LRRTM4: variants seen among roughly 807,000 people sequenced by gnomAD.
LRRTM4 encodes leucine rich repeat transmembrane neuronal 4.
Under a neutral mutation model 47.6 loss-of-function variants are expected in LRRTM4, and 25 were observed. That is an observed-to-expected ratio of 0.53 (90% confidence interval 0.38 to 0.73). The LOEUF (loss-of-function observed/expected upper bound fraction) is 0.73, where lower values mean the gene tolerates loss of function less well. Ranked by LOEUF, LRRTM4 falls within the 30% of genes least tolerant of loss-of-function variation. The probability of loss-of-function intolerance (pLI) is 0.00; values close to 1 mark genes in which losing one functional copy is unlikely to be tolerated. For missense variants in LRRTM4, 638 were observed against 713.4 expected (o/e 0.89, Z 1.20); for synonymous variants, 311 against 269.5 (o/e 1.15, Z -1.51).
chr2:77,469,594 T>C (rs1677107304), intron 3 of LRRTM4, among the ~76,000 whole-genome samples: 1 of 152,162 alleles, frequency 6.6e-6, no homozygotes, highest in Non-Finnish European at 1.5e-5. Context: ...ATAAAGGCCC[T>C]AATTTTGATG....
At chr2:77,456,350 T>G (rs1020895910) in intron 3 of LRRTM4, among the ~76,000 whole-genome samples, 3 of 152,180 alleles carry the variant, frequency 2.0e-5, no homozygotes, top group Non-Finnish European at 4.4e-5. Context: ...ATCAGTTTTG[T>G]TTTCCTTTTA....
chr2:76,900,482 T>A (rs767698004), intron 3 of LRRTM4, among the ~76,000 whole-genome samples: 4 of 152,250 alleles, frequency 2.6e-5, no homozygotes, highest in Non-Finnish European at 5.9e-5. Flanking sequence ...ATAATATATC[T>A]AATAGGGCAA....
intron 3 of LRRTM4, among the ~76,000 whole-genome samples, chr2:77,090,925 C>A (rs1396567894): frequency 6.6e-6 from 1 of 151,968 alleles, no homozygotes. Flanking sequence ...GGAAGGTAAG[C>A]CCATCCCCTT....
At chr2:77,374,770 T>C (rs1223679692) in intron 3 of LRRTM4, among the ~76,000 whole-genome samples, 1 of 151,838 alleles carries the variant, frequency 6.6e-6, no homozygotes, top group African/African-American at 2.4e-5. Context: ...GTATCAAATA[T>C]TCTGTGGTTG....
intron 3 of LRRTM4, among the ~76,000 whole-genome samples, chr2:77,147,755 C>T (rs1440308983): frequency 6.6e-6 from 1 of 152,086 alleles, no homozygotes; most frequent in Non-Finnish European, 1.5e-5. Context: ...AATTCAAAAA[C>T]ATAAATAAAA....
intron 3 of LRRTM4, among the ~76,000 whole-genome samples, chr2:77,236,755 CT>C (rs1675113269): frequency 6.6e-6 from 1 of 151,974 alleles, no homozygotes; most frequent in East Asian, 1.9e-4. Context: ...TTATTGAAAG[CT>C]TTTTCTGCAT....
intron 3 of LRRTM4, among the ~76,000 whole-genome samples, chr2:77,432,652 T>C (rs1305107682): frequency 6.6e-6 from 1 of 152,196 alleles, no homozygotes; most frequent in South Asian, 2.1e-4. Context: ...TAAGTATACA[T>C]ACATGTATTC....
chr2:77,111,081 AG>A (rs1484896099), intron 3 of LRRTM4, among the ~76,000 whole-genome samples: 1 of 152,040 alleles, frequency 6.6e-6, no homozygotes, highest in Non-Finnish European at 1.5e-5. Context: ...CATGAGTGAA[AG>A]GAAGTACAGT....
intron 3 of LRRTM4, among the ~76,000 whole-genome samples, chr2:77,221,794 C>A (rs1224748420): frequency 6.6e-6 from 1 of 152,066 alleles, no homozygotes; most frequent in African/African-American, 2.4e-5. Flanking sequence ...TTAGACAGAT[C>A]AATGAGACAG....
chr2:77,311,064 A>C (rs1363381436), intron 3 of LRRTM4, among the ~76,000 whole-genome samples: 1 of 152,042 alleles, frequency 6.6e-6, no homozygotes, highest in East Asian at 1.9e-4. Context: ...ACACACATAT[A>C]TATATATATC....
chr2:77,172,000 T>A (rs1168336716), intron 3 of LRRTM4, among the ~76,000 whole-genome samples: 1 of 152,160 alleles, frequency 6.6e-6, no homozygotes, highest in Non-Finnish European at 1.5e-5. Context: ...ATTTGAAATC[T>A]CACATAGTGT....
intron 3 of LRRTM4, among the ~76,000 whole-genome samples, chr2:77,054,344 A>G (rs1416318866): frequency 6.6e-6 from 1 of 152,216 alleles, no homozygotes; most frequent in Non-Finnish European, 1.5e-5. Flanking sequence ...AAATGTAAGT[A>G]TGTCCAATTG....
intron 3 of LRRTM4, among the ~76,000 whole-genome samples, chr2:77,297,883 A>G (rs1247420168): frequency 1.3e-5 from 2 of 152,344 alleles, no homozygotes; most frequent in Non-Finnish European, 2.9e-5. Context: ...ACAAGATCAC[A>G]TGGTCAAAGA....
chr2:77,412,549 C>A (rs1301458202), intron 3 of LRRTM4, among the ~76,000 whole-genome samples: 1 of 152,118 alleles, frequency 6.6e-6, no homozygotes, highest in African/African-American at 2.4e-5. Flanking sequence ...AAAGGAAATG[C>A]GGCTGCTTGG....
At chr2:77,171,524 G>T (rs764893341) in intron 3 of LRRTM4, among the ~76,000 whole-genome samples, 2 of 151,902 alleles carry the variant, frequency 1.3e-5, no homozygotes, top group African/African-American at 2.4e-5. Flanking sequence ...TGATCCACCC[G>T]CCTCGGCCTC....
chr2:77,402,092 T>C (rs1401507182), intron 3 of LRRTM4, among the ~76,000 whole-genome samples: 6 of 152,030 alleles, frequency 3.9e-5, no homozygotes, highest in Admixed American at 3.9e-4. Context: ...AAAAATATTA[T>C]GCATTTCACC....
chr2:77,518,046 C>G, intron 3 of LRRTM4: 1 of 1,178,588 alleles, frequency 8.5e-7, no homozygotes, highest in African/African-American at 1.6e-5. Context: ...CCCCTGTATA[C>G]AAATTGTTAA....
rs116781298 is a variant in LRRTM4 at position 77,021,215 on chromosome 2, A to G, written c.1552-272299T>C. ...TGATATATATATATCAGTGATGTAT[A>G]TATCAGTGAGAACTATACAGATAAC... On this transcript the variant is annotated intron_variant, in intron 3 of 3. Coordinates refer to ENST00000409884, the MANE Select transcript of LRRTM4 (RefSeq NM_001134745.3). 7.2e-3 allele frequency among the ~76,000 whole-genome samples: 1,097 copies of G among 152,268 alleles called. 10 individuals are homozygous for G. Among genetic ancestry groups the G allele is most frequent in the Middle Eastern group, 0.024 (7 of 294 alleles).
chr2:76,828,891 T>C (rs1671258461), intron 3 of LRRTM4, among the ~76,000 whole-genome samples: 1 of 151,980 alleles, frequency 6.6e-6, no homozygotes, highest in Admixed American at 6.6e-5. Context: ...CTTTAATCTC[T>C]GATCCCTAAT....
Sources: gnomAD v4.1 joint callset for allele counts (sites outside exome capture counted in the v4.1 genomes callset) on GRCh38, gnomAD v4.1.1 for gene constraint, MANE v1.5 for transcripts, NCBI Gene and HGNC (gene_info 2026-07-23, HGNC 2026-07-21) for gene names.